The following ROPN1 variants were observed in gnomAD, a reference collection of about 807,000 sequenced individuals.
ROPN1 encodes ropporin-1A.
Under a neutral mutation model 20.5 loss-of-function variants are expected in ROPN1, and 14 were observed. That is an observed-to-expected ratio of 0.68 (90% CI 0.45 to 1.07). The LOEUF (loss-of-function observed/expected upper bound fraction) is 1.07. ROPN1 is among the 50% of genes least tolerant of loss of function. The pLI is 0.00. For synonymous variants in ROPN1, 76 were observed against 95.7 expected, an observed-to-expected ratio of 0.79 and a Z score of 1.20; for missense variants, 169 against 242.8, an observed-to-expected ratio of 0.70 and a Z score of 2.02.
At chr3:123,983,390 G>T (rs2038188894) in intron 1 of ROPN1, among the ~76,000 whole-genome samples, 2 of 152,154 alleles carry the variant, frequency 1.3e-5, no homozygotes, top group Admixed American at 1.3e-4. Flanking sequence ...CATGTATTTT[G>T]ACAGGATCTT....
Position 123,969,167 on chromosome 3 carries a change from A to T in ROPN1, c.627T>A (p.Val209=). ...CAAAATTGTGCTTTTACTCCAGCTGAACCCTGGGGTTTTGGGTAAAGTCAT... is the reference window on the plus strand; with the variant it reads ...CAAAATTGTGCTTTTACTCCAGCTGTACCCTGGGGTTTTGGGTAAAGTCAT... The part of the protein sequence containing the change: ...TVNDFTQNPR[V]QLE Residue 209 remains valine, a synonymous_variant, in exon 6 of 6, where the codon GTT becomes GTA. Coordinates refer to ENST00000405845, the MANE Select transcript of ROPN1 (RefSeq NM_001317774.2). 6.2e-7 allele frequency: 1 copy of T among 1,614,002 alleles called. No homozygotes were observed. Among genetic ancestry groups the T allele is most frequent in the Middle Eastern group, 1.6e-4 (1 of 6,062 alleles).
chr3:123,990,128 A>G (rs2038369750), intron 1 of ROPN1, among the ~76,000 whole-genome samples: 1 of 152,220 alleles, frequency 6.6e-6, no homozygotes, highest in South Asian at 2.1e-4. Context: ...GTGAAGCTTC[A>G]GGCAGGGAGC....
In ROPN1 at chr3:123,983,180, G is replaced by A. The variant is rs1039169394; in HGVS notation, c.-12-2687C>T. ...TCCATTCATAGGTCAATGGACAGTCGGATCATTTCCACATTTTAGCTATTG... is the reference window on the plus strand; with the variant it reads ...TCCATTCATAGGTCAATGGACAGTCAGATCATTTCCACATTTTAGCTATTG... On this transcript the variant is annotated intron_variant, in intron 1 of 5. Transcript: ENST00000405845. Among the ~76,000 whole-genome samples, 9 of 152,222 alleles carry A rather than the reference G, an allele frequency of 5.9e-5. No homozygotes were observed. In the South Asian group the frequency reaches 6.2e-4, roughly 11 times the overall value.
At chr3:123,974,790 T>G (rs923643235) in intron 4 of ROPN1, 1 of 163,686 alleles carries the variant, frequency 6.1e-6, no homozygotes, top group African/African-American at 2.4e-5. Context: ...TTCAGCATCT[T>G]TGGCTTCAAA....
chr3:123,969,136 A>G lies in ROPN1; in HGVS notation c.*19T>C. 1 of 1,606,292 alleles carries G rather than the reference A, an allele frequency of 6.2e-7. No individual in the cohort carries two copies. The highest frequency in any genetic ancestry group is 8.5e-7 in the Non-Finnish European group (1 of 1,172,988). Reference sequence around the variant, plus strand: ...CAATCATCTCTGTATCTTCCTTTAAAATTGCCAAAATTGTGCTTTTACTCC... The same window carrying G: ...CAATCATCTCTGTATCTTCCTTTAAGATTGCCAAAATTGTGCTTTTACTCC... On this transcript the variant is annotated 3_prime_UTR_variant, in exon 6 of 6. Transcript: ENST00000405845.
chr3:123,979,612 A>G, intron 2 of ROPN1: 1 of 362,224 alleles, frequency 2.8e-6, no homozygotes, highest in Non-Finnish European at 5.5e-6. Flanking sequence ...TGTAAGCTCC[A>G]TCTACTGAGC....
intron 4 of ROPN1, 84 bp from the exon 5 acceptor site, chr3:123,970,301 A>C: frequency 8.2e-7 from 1 of 1,220,342 alleles, no homozygotes; most frequent in Non-Finnish European, 1.2e-6. Context: ...AAAGAAAACA[A>C]AAATATTGCT....
At chr3:123,987,761 G>T (rs927111606) in intron 1 of ROPN1, among the ~76,000 whole-genome samples, 3 of 152,146 alleles carry the variant, frequency 2.0e-5, no homozygotes, top group Admixed American at 6.5e-5. Context: ...CTTTTTTTGA[G>T]TAGTAGTTTT....
At chr3:123,982,381 A>G (rs2038168304) in intron 1 of ROPN1, among the ~76,000 whole-genome samples, 2 of 152,180 alleles carry the variant, frequency 1.3e-5, no homozygotes, top group South Asian at 4.1e-4. Context: ...ATAATATTAT[A>G]ATAAAGAGTA....
At chr3:123,983,009 G>A (rs2038179821) in intron 1 of ROPN1, among the ~76,000 whole-genome samples, 1 of 152,094 alleles carries the variant, frequency 6.6e-6, no homozygotes, top group African/African-American at 2.4e-5. Context: ...ATGTCTTCAG[G>A]TTCATTCATG....
intron 1 of ROPN1, among the ~76,000 whole-genome samples, chr3:123,989,368 T>G (rs1319213611): frequency 6.6e-6 from 1 of 152,194 alleles, no homozygotes; most frequent in East Asian, 1.9e-4. Context: ...GGTCCGGTTA[T>G]CAATATTTGC....
At chr3:123,976,649 C>A (rs1400073011) in intron 3 of ROPN1, among the ~76,000 whole-genome samples, 1 of 152,214 alleles carries the variant, frequency 6.6e-6, no homozygotes, top group Non-Finnish European at 1.5e-5. Context: ...TCAAGGAAAT[C>A]TGGGATGACC....
intron 4 of ROPN1, among the ~76,000 whole-genome samples, chr3:123,973,815 A>C (rs1214164115): frequency 2.0e-5 from 3 of 152,338 alleles, no homozygotes; most frequent in East Asian, 3.9e-4. Flanking sequence ...GGGAGGCATC[A>C]TCAGCCTTTC....
chr3:123,976,777 T>G (rs1167721487), intron 3 of ROPN1, 87 bp downstream of exon 3: 50 of 1,314,822 alleles, frequency 3.8e-5, no homozygotes, highest in East Asian at 9.4e-5. Context: ...CAGCTGACTG[T>G]CAGGAGAACA....
At chr3:123,978,216 C>A (rs2038064753) in intron 2 of ROPN1, among the ~76,000 whole-genome samples, 1 of 151,696 alleles carries the variant, frequency 6.6e-6, no homozygotes, top group Non-Finnish European at 1.5e-5. Context: ...GCAGGAAGGG[C>A]ACCTTTAACA....
At chr3:123,976,536 C>T (rs974001973) in intron 3 of ROPN1, among the ~76,000 whole-genome samples, 17 of 152,328 alleles carry the variant, frequency 1.1e-4, no homozygotes, top group Middle Eastern at 3.4e-3. Context: ...CATCATATTA[C>T]AGTCTTGATC....
intron 1 of ROPN1, among the ~76,000 whole-genome samples, chr3:123,980,962 A>G (rs935058728): frequency 3.4e-4 from 52 of 152,332 alleles, no homozygotes; most frequent in Middle Eastern, 3.4e-3. Flanking sequence ...GTGAATTGAC[A>G]TTAGGCCATT....
intron 4 of ROPN1, 95 bp from the exon 5 acceptor site, chr3:123,970,312 C>T (rs1486472602): frequency 7.4e-5 from 83 of 1,115,728 alleles, no homozygotes; most frequent in Non-Finnish European, 1.0e-4. Context: ...AAATATTGCT[C>T]TTATAAAATG....
At chr3:123,976,796 T>C in intron 3 of ROPN1, 68 bp downstream of exon 3, 5 of 1,508,426 alleles carry the variant, frequency 3.3e-6, no homozygotes, top group Non-Finnish European at 4.5e-6. Context: ...CAGAGGGCTT[T>C]TTGTCTGTAC....
Sources: allele counts gnomAD v4.1 joint callset (sites outside exome capture counted in the v4.1 genomes callset), GRCh38; gene constraint gnomAD v4.1.1; transcripts MANE v1.5; gene names NCBI Gene and HGNC (gene_info 2026-07-23, HGNC 2026-07-21).